ATP6V0D1: variants seen among roughly 807,000 people sequenced by gnomAD.
The protein encoded by ATP6V0D1 is V-type proton ATPase subunit d 1.
Under a neutral mutation model 39.0 loss-of-function variants are expected in ATP6V0D1, and 13 were observed. The observed-to-expected ratio is 0.33, with a 90% confidence interval of 0.22 to 0.53. The LOEUF is 0.53. Ranked by LOEUF, ATP6V0D1 falls within the 20% of genes least tolerant of loss-of-function variation. The probability of loss-of-function intolerance (pLI) is 0.94; values close to 1 mark genes in which losing one functional copy is unlikely to be tolerated. For missense variants in ATP6V0D1, 272 were observed against 470.9 expected (o/e 0.58, Z 3.91); for synonymous variants, 191 against 191.2 (o/e 1.00, Z 0.01).
intron 5 of ATP6V0D1, 54 bp from the exon 6 acceptor site, chr16:67,439,201 C>A: frequency 6.2e-7 from 1 of 1,613,600 alleles, no homozygotes; most frequent in Non-Finnish European, 8.5e-7. Context: ...AGGCAGTAGC[C>A]AGTCAGTTGG....
intron 1 of ATP6V0D1, among the ~76,000 whole-genome samples, chr16:67,471,105 C>T (rs1597583378): frequency 6.6e-6 from 1 of 152,190 alleles, no homozygotes; most frequent in East Asian, 1.9e-4. Flanking sequence ...TTATAGGATA[C>T]ATGTGATATT....
intron 1 of ATP6V0D1, chr16:67,455,748 C>T (rs2041231535): frequency 6.6e-6 from 1 of 152,242 alleles, no homozygotes. Context: ...CCTGAGATCT[C>T]TTCTCCCACA....
intron 4 of ATP6V0D1, 91 bp from the exon 5 acceptor site, chr16:67,439,442 C>T: frequency 1.6e-6 from 2 of 1,264,514 alleles, no homozygotes; most frequent in African/African-American, 3.0e-5. Context: ...CCTCCCCTCC[C>T]TAGCCCCTTT....
rs367954965 is a variant in ATP6V0D1, at chr16:67,445,243, C to T, written c.303-537G>A. 1.8e-4 allele frequency among the ~76,000 whole-genome samples: 27 copies of T among 152,310 alleles called. 1 individual carries two copies. In the East Asian group the frequency reaches 2.1e-3, roughly 12 times the overall value. On this transcript the variant is annotated intron_variant, in intron 2 of 7. Transcript: ENST00000290949. ...AGGCGCAGCAGCCGGCAGCACGGGG[C>T]TGCAGCAGGCGGGGGGCAGAGGCTG...
At chr16:67,454,718 T>C (rs2041220230) in intron 1 of ATP6V0D1, 1 of 152,174 alleles carries the variant, frequency 6.6e-6, no homozygotes, top group South Asian at 2.1e-4. Context: ...AGGCAGACCA[T>C]GCCATTCATT....
chr16:67,441,744 C>T lies in ATP6V0D1; in HGVS notation c.561+1355G>A, dbSNP rs145454166. 2.2e-3 allele frequency: 340 copies of T among 152,350 alleles called. 1 individual carries two copies. Among genetic ancestry groups the T allele is most frequent in the African/African-American group, 7.6e-3 (316 of 41,582 alleles). 9.4% of individuals were successfully genotyped at this position (152,350 alleles called of 1,614,324 possible). ...AACCCACCCTACTTCTCTGAGCCTT[C>T]GGTTTCCCCATTTTCACATGGGGAT... is the stretch of plus-strand genomic sequence containing the variant. On this transcript the variant is annotated intron_variant, in intron 4 of 7. Transcript: ENST00000290949.
chr16:67,440,028 A>T (rs997606319), intron 4 of ATP6V0D1: 2 of 152,288 alleles, frequency 1.3e-5, no homozygotes, highest in Non-Finnish European at 2.9e-5. Context: ...AGAAAAGAAT[A>T]AAAAAACAGG....
At chr16:67,480,910 C>T (rs376705798) in intron 1 of ATP6V0D1, 47 bp downstream of exon 1, 2 of 1,608,042 alleles carry the variant, frequency 1.2e-6, no homozygotes, top group African/African-American at 2.7e-5. Flanking sequence ...TCTGAACCCT[C>T]AGGCCCCGGA....
chr16:67,473,237 C>T (rs1274933914), intron 1 of ATP6V0D1, among the ~76,000 whole-genome samples: 2 of 152,166 alleles, frequency 1.3e-5, no homozygotes, highest in Non-Finnish European at 2.9e-5. Context: ...GGTGGCGCAG[C>T]AACAGCTTTA....
intron 1 of ATP6V0D1, among the ~76,000 whole-genome samples, chr16:67,467,463 C>G (rs182748327): frequency 1.3e-5 from 2 of 152,182 alleles, no homozygotes; most frequent in Admixed American, 6.5e-5. Flanking sequence ...CAAGATCATG[C>G]CACTGCACTC....
chr16:67,452,417 T>C, intron 2 of ATP6V0D1: 2 of 1,535,158 alleles, frequency 1.3e-6, no homozygotes, highest in Non-Finnish European at 1.7e-6. Context: ...CCTGGGCAAG[T>C]GGCTCCTAAC....
At chr16:67,476,861 C>A (rs1303776856) in intron 1 of ATP6V0D1, among the ~76,000 whole-genome samples, 2 of 151,644 alleles carry the variant, frequency 1.3e-5, no homozygotes, top group Non-Finnish European at 2.9e-5. Flanking sequence ...CATGGTGAAA[C>A]CCCATCTCTA....
At chr16:67,480,849 A>G in intron 1 of ATP6V0D1, 108 bp downstream of exon 1, 1 of 1,447,552 alleles carries the variant, frequency 6.9e-7, no homozygotes. Flanking sequence ...ATTCCCAGAG[A>G]GGCCTCTCAG....
intron 1 of ATP6V0D1, among the ~76,000 whole-genome samples, chr16:67,467,848 T>G (rs367571560): frequency 6.6e-6 from 1 of 152,180 alleles, no homozygotes; most frequent in African/African-American, 2.4e-5. Flanking sequence ...GCAGTGTGTC[T>G]GATCACTGAG....
rs140675854 is a variant in ATP6V0D1, at chr16:67,470,230, G to A, written c.130+10727C>T. Among the ~76,000 whole-genome samples, 127 of 152,234 alleles carry A rather than the reference G, an allele frequency of 8.3e-4. 1 individual carries two copies. Among genetic ancestry groups the A allele is most frequent in the East Asian group, 3.5e-3 (18 of 5,188 alleles). On this transcript the variant is annotated intron_variant, in intron 1 of 7. Transcript: ENST00000290949. ...TATAAGTTGGGTTGCAGGGTCGCAC[G>A]GTATATACATGCAGTGTTTTGACAA...
chr16:67,453,714 G>A lies in ATP6V0D1; in HGVS notation c.132C>T (p.Asp44=). The change falls in exon 2 of 8, where the codon GAC becomes GAT. Residue 44 remains aspartate (D), a splice_region_variant and synonymous_variant. Transcript: ENST00000290949. The surrounding 1 kb of genome is among the most constrained non-coding windows in gnomAD (Gnocchi z 4.1). ...CAGTGCTCTGCAGATGCAGTTTCAA[G>A]TCTGAAACCCAAGGGTAGGGGGTAA... is the stretch of plus-strand genomic sequence containing the variant. ...LNLVQCETLE[D]LKLHLQSTDY... 1 of 1,613,732 alleles carries A rather than the reference G, an allele frequency of 6.2e-7. No homozygotes were observed. The highest frequency in any genetic ancestry group is 8.5e-7 in the Non-Finnish European group (1 of 1,179,934).
At chr16:67,476,982 G>A (rs1231502143) in intron 1 of ATP6V0D1, among the ~76,000 whole-genome samples, 8 of 141,918 alleles carry the variant, frequency 5.6e-5, no homozygotes, top group Non-Finnish European at 7.5e-5. Context: ...GCAGTGAGCC[G>A]AGATGTCCAG....
chr16:67,472,856 C>G (rs1378793860), intron 1 of ATP6V0D1, among the ~76,000 whole-genome samples: 1 of 152,110 alleles, frequency 6.6e-6, no homozygotes, highest in Non-Finnish European at 1.5e-5. Flanking sequence ...GGCAACAGAG[C>G]AAGACTGTCT....
intron 1 of ATP6V0D1, chr16:67,457,181 G>A (rs1445034251): frequency 1.4e-5 from 3 of 219,210 alleles, no homozygotes; most frequent in African/African-American, 6.9e-5. Flanking sequence ...TGGGCTGTAC[G>A]GTGTACTCAT....
Sources: gnomAD v4.1 joint callset for allele counts (sites outside exome capture counted in the v4.1 genomes callset) on GRCh38, gnomAD v4.1.1 for gene constraint, Gnocchi (gnomAD v3.1) non-coding constraint, MANE v1.5 for transcripts, NCBI Gene and HGNC (gene_info 2026-07-23, HGNC 2026-07-21) for gene names.